Variants in DIP2C observed in about 807,000 individuals in gnomAD.
DIP2C encodes DIP2 acetate--CoA ligase C (putative), also known as disco-interacting protein 2 homolog C.
A neutral mutation model predicts 192.4 loss-of-function variants in DIP2C; 33 were observed. That is an observed-to-expected ratio of 0.17 (90% confidence interval 0.13 to 0.23). DIP2C has a LOEUF of 0.23. Ranked by LOEUF, DIP2C falls within the 10% of genes least tolerant of loss-of-function variation. DIP2C has a pLI of 1.00. For missense variants in DIP2C, 1,537 were observed against 2,110.1 expected (o/e 0.73, Z 5.32); for synonymous variants, 979 against 864.1 (o/e 1.13, Z -2.33).
intron 1 of DIP2C, among the ~76,000 whole-genome samples, chr10:656,426 A>G (rs1006067264): frequency 3.3e-5 from 5 of 152,196 alleles, no homozygotes; most frequent in Non-Finnish European, 7.4e-5. Context: ...ACCATGTCCC[A>G]CTACATAAGA....
At chr10:565,809 G>A (rs1242435378) in intron 1 of DIP2C, among the ~76,000 whole-genome samples, 1 of 152,254 alleles carries the variant, frequency 6.6e-6, no homozygotes, top group Admixed American at 6.5e-5. Flanking sequence ...CTCTCAGGCT[G>A]GCGCCCTTCT....
intron 3 of DIP2C, among the ~76,000 whole-genome samples, chr10:446,859 T>C (rs1326627865): frequency 1.3e-5 from 2 of 152,198 alleles, no homozygotes; most frequent in Non-Finnish European, 2.9e-5. Context: ...TTTTTGTCAA[T>C]GTAGTGAATT....
Position 363,575 on chromosome 10 carries a change from C to T in DIP2C, c.2478-264G>A, listed in dbSNP as rs770444308. ...CCCGCGGGCTCTGGTGACCAGGTTGCGCCTTTCGGTACAGAGGGGCAAATG... is the reference window on the plus strand; with the variant it reads ...CCCGCGGGCTCTGGTGACCAGGTTGTGCCTTTCGGTACAGAGGGGCAAATG... On this transcript the variant is annotated intron_variant, in intron 20 of 36. Coordinates refer to ENST00000280886, the MANE Select transcript of DIP2C (RefSeq NM_014974.3). This position sits in a 1 kb window ranked among gnomAD's most constrained non-coding sequence, Gnocchi z 5.4. 2.6e-5 allele frequency among the ~76,000 whole-genome samples: 4 copies of T among 152,190 alleles called. No homozygotes were observed. Among genetic ancestry groups the T allele is most frequent in the Admixed American group, 6.5e-5 (1 of 15,280 alleles).
intron 1 of DIP2C, among the ~76,000 whole-genome samples, chr10:674,049 ACTTC>A (rs966757687): frequency 6.6e-6 from 1 of 152,254 alleles, no homozygotes; most frequent in African/African-American, 2.4e-5. Flanking sequence ...GAAAAACTCT[ACTTC>A]CTTTTCATAT....
At position 329,450 on chromosome 10, in the gene DIP2C, G is replaced by C; in HGVS notation, c.3736C>G (p.Gln1246Glu). ...CTGCTTACCTTGAGGGACTCTGTTT[G>C]CGAGCCCAGCCCCTTGGTGCACAGC... ...MELCTKGLGSQTESLKARGLD... is the reference protein window; with the variant it reads ...MELCTKGLGSETESLKARGLD... The change falls in exon 30 of 37, where the codon CAA becomes GAA. Residue 1246 changes from glutamine (Q) to glutamate (E), a missense_variant. Coordinates refer to ENST00000280886, the MANE Select transcript of DIP2C (RefSeq NM_014974.3). 6.2e-7 allele frequency: 1 copy of C among 1,613,780 alleles called. No homozygotes were observed. Among genetic ancestry groups the C allele is most frequent in the East Asian group, 2.2e-5 (1 of 44,856 alleles).
chr10:653,079 C>A (rs1198520958), intron 1 of DIP2C, among the ~76,000 whole-genome samples: 1 of 151,990 alleles, frequency 6.6e-6, no homozygotes, highest in Non-Finnish European at 1.5e-5. Flanking sequence ...CAGACCAGCC[C>A]CAGAACAGAG....
intron 31 of DIP2C, among the ~76,000 whole-genome samples, chr10:325,956 C>G (rs1156294573): frequency 6.6e-6 from 1 of 152,070 alleles, no homozygotes; most frequent in African/African-American, 2.4e-5. Context: ...CCAGGGCAGA[C>G]AGATTGTTAA....
chr10:379,853 A>G (rs568337959), intron 17 of DIP2C, among the ~76,000 whole-genome samples: 2 of 151,630 alleles, frequency 1.3e-5, no homozygotes, highest in African/African-American at 2.4e-5. Flanking sequence ...GATGGTTAAC[A>G]CGCAGAAGAG....
rs80239659 is a variant in DIP2C at position 430,551 on chromosome 10, T to C, written c.395-7518A>G. 375 of 152,376 alleles carry C rather than the reference T, an allele frequency of 2.5e-3. 1 individual carries two copies. The highest frequency in any genetic ancestry group is 8.6e-3 in the African/African-American group (359 of 41,590). 9.4% of individuals were successfully genotyped at this position (152,376 alleles called of 1,614,324 possible). ...TGATTGTTTTGTTATTGTTGACTTTTAAGAGTTCCTTGTATATTTCAAATA... is the reference window on the plus strand; with the variant it reads ...TGATTGTTTTGTTATTGTTGACTTTCAAGAGTTCCTTGTATATTTCAAATA... On this transcript the variant is annotated intron_variant, in intron 4 of 36. Coordinates refer to ENST00000280886, the MANE Select transcript of DIP2C (RefSeq NM_014974.3).
Position 414,739 on chromosome 10 carries a change from G to GTATATATATATATATATATATA in DIP2C, c.860-630_860-629insTATATATATATATATATATATA, listed in dbSNP as rs1554847955. On this transcript the variant is annotated intron_variant, in intron 7 of 36. Transcript: ENST00000280886. ...TGTGTGTGTGTGTGTGTGTGTGTGT[G>GTATATATATATATATATATATA]TACATATATATATATATAATGTGTA... 6.8e-3 allele frequency among the ~76,000 whole-genome samples: 614 copies of GTATATATATATATATATATATA among 90,416 alleles called. 35 individuals carry two copies. Among genetic ancestry groups the GTATATATATATATATATATATA allele is most frequent in the Middle Eastern group, 0.013 (2 of 158 alleles). The allele number at this position is 90,416 out of a possible 152,430, so 59.3% of individuals were successfully genotyped here. A position where few individuals can be genotyped will look rare whatever the true frequency, so the allele number is the denominator to read the frequency against.
chr10:507,835 T>A (rs1407158043), intron 1 of DIP2C, among the ~76,000 whole-genome samples: 1 of 152,202 alleles, frequency 6.6e-6, no homozygotes, highest in Admixed American at 6.5e-5. Flanking sequence ...AATCTCTGCA[T>A]CATCCTCAGA....
At chr10:678,072 G>C (rs549111264) in intron 1 of DIP2C, among the ~76,000 whole-genome samples, 184 of 152,340 alleles carry the variant, frequency 1.2e-3, no homozygotes, top group Admixed American at 2.4e-3. Context: ...CTCCAGGAAG[G>C]AGGACCTCAG....
intron 3 of DIP2C, among the ~76,000 whole-genome samples, chr10:443,676 C>T (rs1285522791): frequency 6.6e-6 from 1 of 152,222 alleles, no homozygotes; most frequent in Non-Finnish European, 1.5e-5. Flanking sequence ...ATGATCCATT[C>T]CAGGCTTTGG....
intron 6 of DIP2C, among the ~76,000 whole-genome samples, chr10:416,358 A>G (rs10904172): frequency 0.22 from 32,983 of 151,954 alleles, 4,414 homozygotes; most frequent in Non-Finnish European, 0.3. Flanking sequence ...AGGCACGAGA[A>G]CATCGGGCCG....
chr10:399,542 C>T (rs567733296), intron 9 of DIP2C, among the ~76,000 whole-genome samples: 1 of 152,276 alleles, frequency 6.6e-6, no homozygotes, highest in South Asian at 2.1e-4. Flanking sequence ...GTAAATACTT[C>T]CTTGTATTTC....
intron 1 of DIP2C, among the ~76,000 whole-genome samples, chr10:573,354 G>C (rs1262820362): frequency 6.6e-6 from 1 of 152,170 alleles, no homozygotes; most frequent in Non-Finnish European, 1.5e-5. Flanking sequence ...AACATAACTG[G>C]ATTTATTCTA....
At chr10:677,177 T>C (rs982617729) in intron 1 of DIP2C, among the ~76,000 whole-genome samples, 23 of 152,210 alleles carry the variant, frequency 1.5e-4, no homozygotes, top group Non-Finnish European at 1.6e-4. Context: ...AGGAAGACTA[T>C]AGTCACTTGA....
At chr10:567,198 G>GTTT (rs34057667) in intron 1 of DIP2C, among the ~76,000 whole-genome samples, 1 of 151,038 alleles carries the variant, frequency 6.6e-6, no homozygotes, top group Non-Finnish European at 1.5e-5. Flanking sequence ...GTTTTGTTTT[G>GTTT]TTTTTTTTAA....
At chr10:686,029 T>G (rs1831323761) in intron 1 of DIP2C, among the ~76,000 whole-genome samples, 1 of 152,242 alleles carries the variant, frequency 6.6e-6, no homozygotes, top group Non-Finnish European at 1.5e-5. Flanking sequence ...TCCAATTTGT[T>G]TGGCAATTCC....
Sources: allele counts gnomAD v4.1 joint callset (sites outside exome capture counted in the v4.1 genomes callset), GRCh38; gene constraint gnomAD v4.1.1; non-coding constraint Gnocchi (gnomAD v3.1); transcripts MANE v1.5; gene names NCBI Gene and HGNC (gene_info 2026-07-23, HGNC 2026-07-21).